Variants in PRXL2B observed in about 807,000 individuals in gnomAD.
PRXL2B encodes peroxiredoxin like 2B.
Under a neutral mutation model 24.4 loss-of-function variants are expected in PRXL2B, and 26 were observed. That is an observed-to-expected ratio of 1.07 (90% CI 0.78 to 1.48). The LOEUF (loss-of-function observed/expected upper bound fraction) is 1.48. Ranked by LOEUF, PRXL2B falls within the 40% of genes most tolerant of loss-of-function variation. The probability of loss-of-function intolerance (pLI) is 0.00; values close to 1 mark genes in which losing one functional copy is unlikely to be tolerated. For missense variants in PRXL2B, 269 were observed against 264.8 expected (o/e 1.02, Z -0.11); for synonymous variants, 115 against 118.9 (o/e 0.97, Z 0.21).
chr1:2,586,586 C>T, upstream of PRXL2B: 1 of 517,052 alleles, frequency 1.9e-6, no homozygotes, highest in Non-Finnish European at 3.0e-6. Flanking sequence ...CGAGGCTTGG[C>T]CTGGAGTAGG....
At position 2,586,826 on chromosome 1, in the gene PRXL2B, G is replaced by A. The variant is rs1644527181; in HGVS notation, c.-60G>A. Reference sequence around the variant, plus strand: ...CCGGGAGCGGGGATCCAGGAGCGAGGAGCCGGGAGCGGGGAACAGGGAGTC... The same window carrying A: ...CCGGGAGCGGGGATCCAGGAGCGAGAAGCCGGGAGCGGGGAACAGGGAGTC... On this transcript the variant is annotated 5_prime_UTR_variant, in exon 1 of 7. Coordinates refer to ENST00000419916, the MANE Select transcript of PRXL2B (RefSeq NM_152371.5). 7.8e-7 allele frequency: 1 copy of A among 1,274,262 alleles called. No individual in the cohort carries two copies. The highest frequency in any genetic ancestry group is 9.9e-7 in the Non-Finnish European group (1 of 1,011,478). 78.9% of individuals were successfully genotyped at this position (1,274,262 alleles called of 1,614,324 possible).
At position 2,589,991 on chromosome 1, in the gene PRXL2B, C is replaced by T. The variant is rs10910097; in HGVS notation, c.*564C>T. ...CTGCCCCAAGGCTCTTTACTGATGT[C>T]AGAATCATTGTTTGCACCTGCTGGG... is the stretch of plus-strand genomic sequence containing the variant. On this transcript the variant is annotated 3_prime_UTR_variant, in exon 7 of 7. Coordinates refer to ENST00000419916, the MANE Select transcript of PRXL2B (RefSeq NM_152371.5). 0.17 allele frequency: 26,631 copies of T among 154,398 alleles called. 2,451 individuals are homozygous for T. Among genetic ancestry groups the T allele is most frequent in the South Asian group, 0.23 (1,151 of 4,980 alleles). The allele number at this position is 154,398 out of a possible 1,614,324, so 9.6% of individuals were successfully genotyped here.
At chr1:2,589,218 G>T (rs1557505969) in intron 6 of PRXL2B, among the ~76,000 whole-genome samples, 178 bp downstream of exon 6, 2 of 152,238 alleles carry the variant, frequency 1.3e-5, no homozygotes, top group Admixed American at 6.5e-5. Flanking sequence ...GCTGAGAGGG[G>T]CCGAAGGGCA....
At position 2,587,638 on chromosome 1, in the gene PRXL2B, C is replaced by A; in HGVS notation, c.269-103C>A. On this transcript the variant is annotated intron_variant, in intron 2 of 6. Transcript: ENST00000419916. The surrounding 1 kb of genome is among the most constrained non-coding windows in gnomAD (Gnocchi z 6.1). ...GGGTGGGCTGAGCACGGAGGGTGGG[C>A]AGAGGAACAGAGGGTCGGAAGGAGG... 1 of 1,354,790 alleles carries A rather than the reference C, an allele frequency of 7.4e-7. No individual in the cohort carries two copies. The highest frequency in any genetic ancestry group is 1.0e-6 in the Non-Finnish European group (1 of 969,818). 83.9% of individuals were successfully genotyped at this position (1,354,790 alleles called of 1,614,324 possible).
Position 2,586,780 on chromosome 1 carries a change from G to A in PRXL2B, c.-106G>A, listed in dbSNP as rs768564519. Reference sequence around the variant, plus strand: ...CGGGACCGGGGCATCTCGGGGCGGGGCTTGGGGCTGGATCTATGAGCCGGG... The same window carrying A: ...CGGGACCGGGGCATCTCGGGGCGGGACTTGGGGCTGGATCTATGAGCCGGG... On this transcript the variant is annotated 5_prime_UTR_variant, in exon 1 of 7. Transcript: ENST00000419916. The A allele has an allele frequency of 6.4e-6, 8 of 1,251,366 alleles. No homozygotes were observed. In the African/African-American group the frequency reaches 7.8e-5, roughly 12 times the overall value. The allele number at this position is 1,251,366 out of a possible 1,614,324, so 77.5% of individuals were successfully genotyped here. A position where few individuals can be genotyped will look rare whatever the true frequency, so the allele number is the denominator to read the frequency against.
In PRXL2B at chr1:2,587,732, G is replaced by T. The variant is rs371929529; in HGVS notation, c.269-9G>T. 3 of 1,599,726 alleles carry T rather than the reference G, an allele frequency of 1.9e-6. No homozygotes were observed. Among genetic ancestry groups the T allele is most frequent in the Non-Finnish European group, 2.6e-6 (3 of 1,173,510 alleles). On this transcript the variant is annotated splice_polypyrimidine_tract_variant and intron_variant, in intron 2 of 6. Transcript: ENST00000419916. This position sits in a 1 kb window ranked among gnomAD's most constrained non-coding sequence, Gnocchi z 6.1. ...CCTGGGGCACACACATGTGGCTTCC[G>T]CTTTCCAGAGCTCTACCTGGATGAG...
intron 6 of PRXL2B, 68 bp from the exon 7 acceptor site, chr1:2,589,342 A>C (rs967015202): frequency 6.9e-6 from 11 of 1,591,774 alleles, no homozygotes; most frequent in African/African-American, 1.3e-5. Flanking sequence ...GGATTGTCCA[A>C]GGGGGCCCTC....
At chr1:2,588,305 C>G (rs1348870706) in intron 3 of PRXL2B, 85 bp from the exon 4 acceptor site, 14 of 1,591,168 alleles carry the variant, frequency 8.8e-6, no homozygotes, top group African/African-American at 2.7e-5. Flanking sequence ...GGGGCCTGAC[C>G]TAGGAACTGG....
Position 2,589,475 on chromosome 1 carries a change from C to T in PRXL2B, c.*48C>T, listed in dbSNP as rs751401388. 1 of 1,613,506 alleles carries T rather than the reference C, an allele frequency of 6.2e-7. No individual in the cohort carries two copies. Among genetic ancestry groups the T allele is most frequent in the Admixed American group, 1.7e-5 (1 of 60,004 alleles). On this transcript the variant is annotated 3_prime_UTR_variant, in exon 7 of 7. Coordinates refer to ENST00000419916, the MANE Select transcript of PRXL2B (RefSeq NM_152371.5). ...CGAGGATCTGGGTGGCGTCTGCTGC[C>T]CTAGGTGTGCTGGAAGTCCACTTGG...
rs1277179118 is a variant in PRXL2B, at chr1:2,587,758, A to G, written c.286A>G (p.Ser96Gly). The G allele has an allele frequency of 3.8e-6, 6 of 1,597,668 alleles. No individual in the cohort carries two copies. The highest frequency in any genetic ancestry group is 1.3e-5 in the African/African-American group (1 of 74,080). The change falls in exon 3 of 7, where the codon AGC becomes GGC. Residue 96 changes from serine (S) to glycine (G), a missense_variant. Physicochemically the swap from Ser to Gly is moderately conservative, Grantham distance 56. Coordinates refer to ENST00000419916, the MANE Select transcript of PRXL2B (RefSeq NM_152371.5). The surrounding 1 kb of genome is among the most constrained non-coding windows in gnomAD (Gnocchi z 6.1). ...YFAGELYLDE[S>G]KQLYKELGFK... Reference sequence around the variant, plus strand: ...CTTTCCAGAGCTCTACCTGGATGAGAGCAAGCAGCTTTACAAGGAGCTAGG... The same window carrying G: ...CTTTCCAGAGCTCTACCTGGATGAGGGCAAGCAGCTTTACAAGGAGCTAGG...
Position 2,588,377 on chromosome 1 carries a change from G to C in PRXL2B, c.321-13G>C, listed in dbSNP as rs563020454. 37 of 1,614,058 alleles carry C rather than the reference G, an allele frequency of 2.3e-5. No individual in the cohort carries two copies. Among genetic ancestry groups the C allele is most frequent in the Middle Eastern group, 1.6e-4 (1 of 6,084 alleles). On this transcript the variant is annotated splice_polypyrimidine_tract_variant and intron_variant, in intron 3 of 6. Transcript: ENST00000419916. ...TCTCCGGAGTTTGGCCAAGCGACCT[G>C]GTGTCTTCGCAGGTACAACAGCCTG... is the stretch of plus-strand genomic sequence containing the variant.
Position 2,587,359 on chromosome 1 carries a change from C to T in PRXL2B, c.268+64C>T. The T allele has an allele frequency of 1.3e-6, 2 of 1,506,514 alleles. No homozygotes were observed. Among genetic ancestry groups the T allele is most frequent in the East Asian group, 4.9e-5 (2 of 40,834 alleles). 93.3% of individuals were successfully genotyped at this position (1,506,514 alleles called of 1,614,324 possible). A position where few individuals can be genotyped will look rare whatever the true frequency, so the allele number is the denominator to read the frequency against. The stretch of plus-strand genomic sequence containing the variant: ...TCCCTAAGCTCAGGGCGTTCGGGGC[C>T]CTTTCCTGCCCAACCCCGGCCCTTC... On this transcript the variant is annotated intron_variant, in intron 2 of 6. Coordinates refer to ENST00000419916, the MANE Select transcript of PRXL2B (RefSeq NM_152371.5). This position sits in a 1 kb window ranked among gnomAD's most constrained non-coding sequence, Gnocchi z 6.1.
chr1:2,587,149 G>C lies in PRXL2B; in HGVS notation c.122G>C (p.Arg41Pro), dbSNP rs777621960. ...EHACVVAGLR[R>P]FGCVVCRWIA... is the part of the protein sequence containing the mutation. Reference sequence around the variant, plus strand: ...GCGTGCGTGGTGGCCGGGCTGCGGCGCTTCGGGTGCGTGGTGTGCCGCTGG... The same window carrying C: ...GCGTGCGTGGTGGCCGGGCTGCGGCCCTTCGGGTGCGTGGTGTGCCGCTGG... The change falls in exon 2 of 7, where the codon CGC (arginine) becomes CCC (proline). Residue 41 changes from arginine (R) to proline (P), a missense_variant. Physicochemically the swap from Arg to Pro is moderately radical, Grantham distance 103. Coordinates refer to ENST00000419916, the MANE Select transcript of PRXL2B (RefSeq NM_152371.5). This position sits in a 1 kb window ranked among gnomAD's most constrained non-coding sequence, Gnocchi z 6.1. The C allele has an allele frequency of 1.0e-5, 16 of 1,544,348 alleles. No homozygotes were observed. The highest frequency in any genetic ancestry group is 1.4e-5 in the African/African-American group (1 of 73,476).
rs536435450 is a variant in PRXL2B, at chr1:2,589,631, C to T, written c.*204C>T. The T allele has an allele frequency of 4.0e-5, 27 of 681,962 alleles. No homozygotes were observed. Among genetic ancestry groups the T allele is most frequent in the East Asian group, 3.6e-4 (13 of 35,874 alleles). 42.2% of individuals were successfully genotyped at this position (681,962 alleles called of 1,614,324 possible). A position where few individuals can be genotyped will look rare whatever the true frequency, so the allele number is the denominator to read the frequency against. ...GCTCCGAGCCCTGCATCCTCCACAGCCCCCGCCTTGCTCACTGTTGGGCCC... is the reference window on the plus strand; with the variant it reads ...GCTCCGAGCCCTGCATCCTCCACAGTCCCCGCCTTGCTCACTGTTGGGCCC... On this transcript the variant is annotated 3_prime_UTR_variant, in exon 7 of 7. Coordinates refer to ENST00000419916, the MANE Select transcript of PRXL2B (RefSeq NM_152371.5).
Position 2,587,748 on chromosome 1 carries a change from C to T in PRXL2B, c.276C>T (p.Tyr92=). Residue 92 remains tyrosine, a synonymous_variant, in exon 3 of 7, where the codon TAC becomes TAT. Transcript: ENST00000419916. The surrounding 1 kb of genome is among the most constrained non-coding windows in gnomAD (Gnocchi z 6.1). ...LDGDYFAGEL[Y]LDESKQLYKE... Reference sequence around the variant, plus strand: ...GTGGCTTCCGCTTTCCAGAGCTCTACCTGGATGAGAGCAAGCAGCTTTACA... The same window carrying T: ...GTGGCTTCCGCTTTCCAGAGCTCTATCTGGATGAGAGCAAGCAGCTTTACA... 1 of 1,604,314 alleles carries T rather than the reference C, an allele frequency of 6.2e-7. No homozygotes were observed.
At position 2,587,352 on chromosome 1, in the gene PRXL2B, T is replaced by C. The variant is rs1256452510; in HGVS notation, c.268+57T>C. On this transcript the variant is annotated intron_variant, in intron 2 of 6. Transcript: ENST00000419916. The surrounding 1 kb of genome is among the most constrained non-coding windows in gnomAD (Gnocchi z 6.1). The stretch of plus-strand genomic sequence containing the variant: ...ATACCCTTCCCTAAGCTCAGGGCGT[T>C]CGGGGCCCTTTCCTGCCCAACCCCG... 6.6e-7 allele frequency: 1 copy of C among 1,520,202 alleles called. No homozygotes were observed. Among genetic ancestry groups the C allele is most frequent in the Non-Finnish European group, 8.8e-7 (1 of 1,134,544 alleles). The allele number at this position is 1,520,202 out of a possible 1,614,324, so 94.2% of individuals were successfully genotyped here.
chr1:2,587,640 G>C lies in PRXL2B; in HGVS notation c.269-101G>C, dbSNP rs1411893836. ...GTGGGCTGAGCACGGAGGGTGGGCA[G>C]AGGAACAGAGGGTCGGAAGGAGGAG... is the stretch of plus-strand genomic sequence containing the variant. On this transcript the variant is annotated intron_variant, in intron 2 of 6. Coordinates refer to ENST00000419916, the MANE Select transcript of PRXL2B (RefSeq NM_152371.5). The surrounding 1 kb of genome is among the most constrained non-coding windows in gnomAD (Gnocchi z 6.1). The C allele has an allele frequency of 5.8e-6, 8 of 1,386,508 alleles. No individual in the cohort carries two copies. Among genetic ancestry groups the C allele is most frequent in the Admixed American group, 2.0e-5 (1 of 50,730 alleles). 85.9% of individuals were successfully genotyped at this position (1,386,508 alleles called of 1,614,324 possible).
chr1:2,589,565 G>A lies in PRXL2B; in HGVS notation c.*138G>A. 7.7e-7 allele frequency: 1 copy of A among 1,298,008 alleles called. No homozygotes were observed. Among genetic ancestry groups the A allele is most frequent in the South Asian group, 1.3e-5 (1 of 77,044 alleles). The allele number at this position is 1,298,008 out of a possible 1,614,324, so 80.4% of individuals were successfully genotyped here. On this transcript the variant is annotated 3_prime_UTR_variant, in exon 7 of 7. Transcript: ENST00000419916. ...TCTCCTGATCCGCCGGCAGCAACGA[G>A]CCATTAAAACTGCAGTTCCTGACCA... is the stretch of plus-strand genomic sequence containing the variant.
At chr1:2,589,086 C>A (rs566881045) in intron 6 of PRXL2B, 46 bp downstream of exon 6, 15 of 1,568,812 alleles carry the variant, frequency 9.6e-6, no homozygotes, top group South Asian at 4.4e-5. Context: ...ACGCCCTGCC[C>A]CTAGGTCCCC....
Sources: allele counts gnomAD v4.1 joint callset (sites outside exome capture counted in the v4.1 genomes callset), GRCh38; gene constraint gnomAD v4.1.1; non-coding constraint Gnocchi (gnomAD v3.1); transcripts MANE v1.5; gene names NCBI Gene and HGNC (gene_info 2026-07-23, HGNC 2026-07-21).